The following RCN2 variants were observed in gnomAD, a reference collection of about 807,000 sequenced individuals.
RCN2 encodes reticulocalbin-2.
RCN2 carries 23 observed loss-of-function variants against 37.5 expected under a neutral mutation model. That is an observed-to-expected ratio of 0.61 (90% CI 0.44 to 0.87). The LOEUF (loss-of-function observed/expected upper bound fraction) is 0.87, where lower values mean the gene tolerates loss of function less well. RCN2 is among the 40% of genes least tolerant of loss of function. RCN2 has a pLI of 0.00. For missense variants in RCN2, 381 were observed against 390.4 expected, an observed-to-expected ratio of 0.98 and a Z score of 0.20; for synonymous variants, 140 against 144.6, an observed-to-expected ratio of 0.97 and a Z score of 0.23.
chr15:76,932,120 C>A, intron 1 of RCN2, 135 bp downstream of exon 1: 1 of 900,750 alleles, frequency 1.1e-6, no homozygotes, highest in Non-Finnish European at 1.5e-6. Context: ...GGCGGCGCGG[C>A]ACTCGCTCTC....
intron 4 of RCN2, among the ~76,000 whole-genome samples, chr15:76,945,835 A>T (rs940027265): frequency 1.3e-5 from 2 of 152,190 alleles, no homozygotes; most frequent in Non-Finnish European, 2.9e-5. Flanking sequence ...TGCCATTGTG[A>T]AGCTTCTAAT....
chr15:76,947,456 C>T lies in RCN2; in HGVS notation c.597C>T (p.Asp199=), dbSNP rs1191757272. 1 of 1,605,366 alleles carries T rather than the reference C, an allele frequency of 6.2e-7. No individual in the cohort carries two copies. Among genetic ancestry groups the T allele is most frequent in the Non-Finnish European group, 8.5e-7 (1 of 1,176,486 alleles). The change falls in exon 5 of 7, where the codon GAC becomes GAT. Residue 199 remains aspartate, a synonymous_variant. Coordinates refer to ENST00000394885, the MANE Select transcript of RCN2 (RefSeq NM_002902.3). ...TTCAAGAAGCTTTAGAAGAACATGA[C>T]AAAAATGGTGATGGATTTGTTAGTT... ...FVIQEALEEH[D]KNGDGFVSLE...
At position 76,931,878 on chromosome 15, in the gene RCN2, C is replaced by T; in HGVS notation, c.37C>T (p.Leu13=). 1 of 1,314,976 alleles carries T rather than the reference C, an allele frequency of 7.6e-7. No individual in the cohort carries two copies. Among genetic ancestry groups the T allele is most frequent in the Non-Finnish European group, 9.7e-7 (1 of 1,031,558 alleles). The allele number at this position is 1,314,976 out of a possible 1,614,324, so 81.5% of individuals were successfully genotyped here. A position where few individuals can be genotyped will look rare whatever the true frequency, so the allele number is the denominator to read the frequency against. The change falls in exon 1 of 7, where the codon CTG becomes TTG. Residue 13 remains leucine, a synonymous_variant. Coordinates refer to ENST00000394885, the MANE Select transcript of RCN2 (RefSeq NM_002902.3). The part of the protein sequence containing the change: ...LGPRTAALGL[L]LLCAAAAGAG... ...CCCGAGGACCGCGGCGTTGGGGCTG[C>T]TGCTGCTGTGCGCCGCCGCGGCCGG...
Position 76,948,451 on chromosome 15 carries a change from A to G in RCN2, c.700A>G (p.Arg234Gly), listed in dbSNP as rs1162451463. The G allele has an allele frequency of 1.9e-6, 3 of 1,609,878 alleles. No homozygotes were observed. Among genetic ancestry groups the G allele is most frequent in the South Asian group, 2.2e-5 (2 of 90,528 alleles). Reference sequence around the variant, plus strand: ...AGAATGGATACTTGTTGAGAAAGACAGATTCGTGAATGATTATGACAAAGA... The same window carrying G: ...AGAATGGATACTTGTTGAGAAAGACGGATTCGTGAATGATTATGACAAAGA... ...DPEWILVEKD[R>G]FVNDYDKDND... The change falls in exon 6 of 7, where the codon AGA (arginine) becomes GGA (glycine). Residue 234 changes from arginine to glycine, a missense_variant. Coordinates refer to ENST00000394885, the MANE Select transcript of RCN2 (RefSeq NM_002902.3).
intron 3 of RCN2, chr15:76,943,339 T>C (rs1401963130): frequency 6.5e-6 from 1 of 153,160 alleles, no homozygotes; most frequent in Non-Finnish European, 1.5e-5. Context: ...GCTCAGTATT[T>C]TTTAGCTGTA....
chr15:76,931,818 C>T lies in RCN2; in HGVS notation c.-24C>T, dbSNP rs1477409325. On this transcript the variant is annotated 5_prime_UTR_variant, in exon 1 of 7. Transcript: ENST00000394885. ...CGCCAGCCTCCCTCCTCGCGTCCCT[C>T]GGTGTCCTCCGCGGGCCGGCGCGAT... 3.3e-6 allele frequency: 4 copies of T among 1,212,204 alleles called. No individual in the cohort carries two copies. In the African/African-American group the frequency reaches 4.8e-5, roughly 14 times the overall value. The allele number at this position is 1,212,204 out of a possible 1,614,324, so 75.1% of individuals were successfully genotyped here.
In RCN2 at chr15:76,951,800, A is replaced by G. The variant is rs1320381522; in HGVS notation, c.*2578A>G. On this transcript the variant is annotated 3_prime_UTR_variant, in exon 7 of 7. Transcript: ENST00000394885. The stretch of plus-strand genomic sequence containing the variant: ...ATCATTGGCTGATTCTGCCTGAAGG[A>G]CTTAATGACTTCCATTATTTGAGTT... 2 of 152,208 alleles carry G rather than the reference A, an allele frequency of 1.3e-5. No homozygotes were observed. Among genetic ancestry groups the G allele is most frequent in the African/African-American group, 4.8e-5 (2 of 41,456 alleles). 9.4% of individuals were successfully genotyped at this position (152,208 alleles called of 1,614,324 possible).
At chr15:76,948,909 C>A in intron 6 of RCN2, 161 bp from the exon 7 acceptor site, 1 of 676,970 alleles carries the variant, frequency 1.5e-6, no homozygotes, top group Non-Finnish European at 2.5e-6. Flanking sequence ...ATGGGAAAAG[C>A]AGTAGACGGA....
At chr15:76,944,031 C>T (rs12909053) in intron 4 of RCN2, among the ~76,000 whole-genome samples, 160 bp downstream of exon 4, 2 of 119,438 alleles carry the variant, frequency 1.7e-5, no homozygotes, top group African/African-American at 6.6e-5. Flanking sequence ...ATCGCTCTGT[C>T]GCCCAGGCTG....
chr15:76,947,069 G>C (rs1239781378), intron 4 of RCN2, among the ~76,000 whole-genome samples: 1 of 152,216 alleles, frequency 6.6e-6, no homozygotes, highest in Non-Finnish European at 1.5e-5. Context: ...TGCTTTTCTT[G>C]AGAGGGAGAG....
rs923945385 is a variant in RCN2, at chr15:76,950,282, T to C, written c.*1060T>C. 7.2e-6 allele frequency: 1 copy of C among 139,126 alleles called. No individual in the cohort carries two copies. The highest frequency in any genetic ancestry group is 2.5e-5 in the African/African-American group (1 of 40,678). The allele number at this position is 139,126 out of a possible 1,614,324, so 8.6% of individuals were successfully genotyped here. A position where few individuals can be genotyped will look rare whatever the true frequency, so the allele number is the denominator to read the frequency against. On this transcript the variant is annotated 3_prime_UTR_variant, in exon 7 of 7. Transcript: ENST00000394885. ...AGCATGATAATCAATTTTAACCTAA[T>C]TCAGCAGGTCAACTTATTTAACTTT...
intron 3 of RCN2, among the ~76,000 whole-genome samples, chr15:76,939,052 A>C (rs1192255800): frequency 6.6e-6 from 1 of 152,100 alleles, no homozygotes; most frequent in South Asian, 2.1e-4. Context: ...AAAGCTGTCT[A>C]GTTAACAAAT....
intron 3 of RCN2, among the ~76,000 whole-genome samples, chr15:76,939,262 AT>A (rs1568459915): frequency 4.6e-5 from 7 of 151,296 alleles, no homozygotes; most frequent in South Asian, 2.1e-4. Context: ...AAATAAATAA[AT>A]AAATAAATAA....
chr15:76,946,195 C>T (rs1170389929), intron 4 of RCN2, among the ~76,000 whole-genome samples: 1 of 152,214 alleles, frequency 6.6e-6, no homozygotes, highest in Non-Finnish European at 1.5e-5. Flanking sequence ...GTGGCTCACA[C>T]CTGTAATCCC....
chr15:76,941,462 G>A (rs2075276224), intron 3 of RCN2: 2 of 426,654 alleles, frequency 4.7e-6, no homozygotes, highest in Non-Finnish European at 8.3e-6. Context: ...AAAGATGGCA[G>A]TTTTGTTCCT....
At chr15:76,938,684 C>T (rs1297698419) in intron 3 of RCN2, 1 of 452,786 alleles carries the variant, frequency 2.2e-6, no homozygotes, top group Non-Finnish European at 4.5e-6. Context: ...CTGTAAGCCA[C>T]CACTAACTCT....
Position 76,941,306 on chromosome 15 carries a change from C to T in RCN2, c.448-2452C>T, listed in dbSNP as rs1252606475. The T allele has an allele frequency of 6.2e-5, 10 of 161,836 alleles. No homozygotes were observed. In the East Asian group the frequency reaches 1.7e-3, roughly 28 times the overall value. The allele number at this position is 161,836 out of a possible 1,614,324, so 10.0% of individuals were successfully genotyped here. ...CCTCCCAAAGTGCTGGGATTACAGGCGTGACTGCTGAATGTGCATGTATAA... is the reference window on the plus strand; with the variant it reads ...CCTCCCAAAGTGCTGGGATTACAGGTGTGACTGCTGAATGTGCATGTATAA... On this transcript the variant is annotated intron_variant, in intron 3 of 6. Coordinates refer to ENST00000394885, the MANE Select transcript of RCN2 (RefSeq NM_002902.3).
intron 5 of RCN2, chr15:76,947,968 A>G (rs1360702373): frequency 6.2e-6 from 1 of 162,370 alleles, no homozygotes; most frequent in Non-Finnish European, 1.3e-5. Flanking sequence ...TTTTTTCAGA[A>G]TTGTTGCTTA....
Position 76,947,414 on chromosome 15 carries a change from G to C in RCN2, c.562-7G>C. On this transcript the variant is annotated splice_polypyrimidine_tract_variant and splice_region_variant and intron_variant, in intron 4 of 6. Transcript: ENST00000394885. The stretch of plus-strand genomic sequence containing the variant: ...TTTTTTTTTCTTTTTTAATGAACGT[G>C]GAATAGGAATTTGTCATTCAAGAAG... The C allele has an allele frequency of 6.4e-7, 1 of 1,557,794 alleles. No homozygotes were observed.
Sources: allele counts gnomAD v4.1 joint callset (sites outside exome capture counted in the v4.1 genomes callset), GRCh38; gene constraint gnomAD v4.1.1; transcripts MANE v1.5; gene names NCBI Gene and HGNC (gene_info 2026-07-23, HGNC 2026-07-21).